The following RBBP6 variants were observed in gnomAD, a reference collection of about 807,000 sequenced individuals.
RBBP6 encodes the protein E3 ubiquitin-protein ligase RBBP6.
In RBBP6, 25 loss-of-function variants were observed where a neutral mutation model predicts 167.7. That is an observed-to-expected ratio of 0.15 (90% confidence interval 0.11 to 0.21). The LOEUF (loss-of-function observed/expected upper bound fraction) is 0.21. Among genes scored for constraint, RBBP6 ranks in the 10% least tolerant of loss-of-function variants. RBBP6 has a pLI of 1.00. For synonymous variants in RBBP6, 789 were observed against 735.8 expected (o/e 1.07, Z -1.17); for missense variants, 1,868 against 2,134.2 (o/e 0.88, Z 2.46).
intron 3 of RBBP6, among the ~76,000 whole-genome samples, chr16:24,550,312 T>C (rs1898765463): frequency 6.6e-6 from 1 of 151,512 alleles, no homozygotes; most frequent in Admixed American, 6.6e-5. Context: ...TCAAAAGTCT[T>C]AGTGTTTGGG....
At position 24,571,785 on chromosome 16, in the gene RBBP6, A is replaced by T. The variant is rs760152849; in HGVS notation, c.4719A>T (p.Val1573=). 6.2e-7 allele frequency: 1 copy of T among 1,613,904 alleles called. No individual in the cohort carries two copies. Among genetic ancestry groups the T allele is most frequent in the Non-Finnish European group, 8.5e-7 (1 of 1,179,896 alleles). The change falls in exon 18 of 18, where the codon GTA becomes GTT. Residue 1573 remains valine, a synonymous_variant. Coordinates refer to ENST00000319715, the MANE Select transcript of RBBP6 (RefSeq NM_006910.5). Reference sequence around the variant, plus strand: ...CTTGTAAGGATCGTGAGAAGCATGTATTAGAAGCAAGGAACAATAAAGAGT... The same window carrying T: ...CTTGTAAGGATCGTGAGAAGCATGTTTTAGAAGCAAGGAACAATAAAGAGT... ...KNPCKDREKH[V]LEARNNKESS... is the part of the protein sequence containing the mutation.
At chr16:24,556,517 G>C (rs1898915240) in intron 7 of RBBP6, 70 bp downstream of exon 7, 1 of 1,443,368 alleles carries the variant, frequency 6.9e-7, no homozygotes, top group Non-Finnish European at 9.2e-7. Context: ...TTTAATCTTG[G>C]GCTTGTAACT....
chr16:24,564,679 G>T, intron 13 of RBBP6, 118 bp from the exon 14 acceptor site: 1 of 1,292,118 alleles, frequency 7.7e-7, no homozygotes, highest in Non-Finnish European at 1.0e-6. Context: ...TAAGAACTGG[G>T]GAGTAGGAAA....
rs1351578243 is a variant in RBBP6, at chr16:24,555,935, A to G, written c.534+18A>G. On this transcript the variant is annotated intron_variant, in intron 6 of 17. Coordinates refer to ENST00000319715, the MANE Select transcript of RBBP6 (RefSeq NM_006910.5). The stretch of plus-strand genomic sequence containing the variant: ...CAAATGGGGTAAGTTCAAAGCAGAA[A>G]CTATGGTATATCTTACTTTTTTTCC... The G allele has an allele frequency of 3.9e-6, 6 of 1,530,262 alleles. No individual in the cohort carries two copies. The highest frequency in any genetic ancestry group is 2.2e-5 in the South Asian group (2 of 89,128). The allele number at this position is 1,530,262 out of a possible 1,614,324, so 94.8% of individuals were successfully genotyped here. A position where few individuals can be genotyped will look rare whatever the true frequency, so the allele number is the denominator to read the frequency against.
At chr16:24,564,930 A>AT in intron 14 of RBBP6, 65 bp downstream of exon 14, 1 of 1,542,428 alleles carries the variant, frequency 6.5e-7, no homozygotes, top group South Asian at 1.2e-5. Flanking sequence ...TCACCAAAGA[A>AT]ATTAAAGCAC....
At chr16:24,563,062 CT>C (rs1483770258) in intron 10 of RBBP6, 136 bp from the exon 11 acceptor site, 1 of 610,908 alleles carries the variant, frequency 1.6e-6, no homozygotes, top group African/African-American at 1.9e-5. Context: ...CCTTCTCTCA[CT>C]TTCCTCAGAA....
rs1898727971 is a variant in RBBP6 at position 24,548,796 on chromosome 16, TATTC to T, written c.267-143_267-140del. 16 of 656,626 alleles carry T rather than the reference TATTC, an allele frequency of 2.4e-5. No homozygotes were observed. The South Asian group carries it at 2.9e-4, about 12-fold the overall frequency. The allele number at this position is 656,626 out of a possible 1,614,324, so 40.7% of individuals were successfully genotyped here. ...GTGGTAAAGATTAATCAGAGTAATT[TATTC>T]ATTCAGAAATTGGCTGTTAAATATT... On this transcript the variant is annotated intron_variant, in intron 2 of 17. Transcript: ENST00000319715.
rs562290340 is a variant in RBBP6, at chr16:24,540,799, G to A, written c.166+7G>A. 8.7e-6 allele frequency: 14 copies of A among 1,610,130 alleles called. No homozygotes were observed. In the South Asian group the frequency reaches 1.5e-4, roughly 18 times the overall value. On this transcript the variant is annotated splice_region_variant and intron_variant, in intron 1 of 17. Coordinates refer to ENST00000319715, the MANE Select transcript of RBBP6 (RefSeq NM_006910.5). ...AATGCGCAGACGAAAGAAGGTAAGG[G>A]CCGCTTGGTCTTAAGATATTTGGTG...
chr16:24,567,082 G>C, intron 14 of RBBP6, 61 bp from the exon 15 acceptor site: 1 of 1,507,260 alleles, frequency 6.6e-7, no homozygotes, highest in Non-Finnish European at 9.0e-7. Context: ...GAAGAGATAA[G>C]CTTACTTGTC....
At chr16:24,549,617 T>C (rs1381157609) in intron 3 of RBBP6, among the ~76,000 whole-genome samples, 3 of 152,034 alleles carry the variant, frequency 2.0e-5, no homozygotes, top group Admixed American at 6.5e-5. Context: ...TTGAGCTCCT[T>C]CTTTTGTTTA....
At chr16:24,559,184 G>C (rs575136916) in intron 7 of RBBP6, among the ~76,000 whole-genome samples, 4 of 151,994 alleles carry the variant, frequency 2.6e-5, no homozygotes, top group Non-Finnish European at 4.4e-5. Context: ...TCTTGTCTTT[G>C]TCACTTAAAT....
At chr16:24,551,785 G>A (rs573604106) in intron 3 of RBBP6, among the ~76,000 whole-genome samples, 81 of 151,620 alleles carry the variant, frequency 5.3e-4, no homozygotes, top group African/African-American at 1.9e-3. Flanking sequence ...AGATAGTAAT[G>A]GGCTATTTTT....
chr16:24,556,443 G>C lies in RBBP6; in HGVS notation c.670G>C (p.Asp224His). ...TGGAAAATATGCAATACCAACTATA[G>C]ATGCGTAAGTATGCAAATTAGGTAT... ...NTGKYAIPTIDAEAYAIGKKE... is the reference protein window; with the variant it reads ...NTGKYAIPTIHAEAYAIGKKE... Residue 224 changes from aspartate to histidine, a missense_variant, in exon 7 of 18, where the codon GAT (aspartate) becomes CAT (histidine). Physicochemically the swap from Asp to His is moderately conservative, Grantham distance 81 (BLOSUM62 -1). Around this residue, in one of 7 missense-constraint regions of RBBP6, gnomAD observed 184 missense variants for 327.7 expected, o/e 0.56. Transcript: ENST00000319715. The C allele has an allele frequency of 6.2e-7, 1 of 1,612,128 alleles. No individual in the cohort carries two copies.
Position 24,571,684 on chromosome 16 carries a change from A to G in RBBP6, c.4618A>G (p.Arg1540Gly). 6.2e-7 allele frequency: 1 copy of G among 1,614,172 alleles called. No homozygotes were observed. ...AAGTAATTCTAGTCCCTCAAGAGAC[A>G]GAAAACCTCATGATCACAAAGCCAC... ...KKSNSSPSRD[R>G]KPHDHKATYD... The change falls in exon 18 of 18, where the codon AGA becomes GGA. Residue 1540 changes from arginine to glycine, a missense_variant. Arg to Gly is a moderately radical substitution (Grantham distance 125). Transcript: ENST00000319715.
chr16:24,572,417 A>G lies in RBBP6; in HGVS notation c.5351A>G (p.Asp1784Gly), dbSNP rs1899365314. Residue 1784 changes from aspartate to glycine, a missense_variant, in exon 18 of 18, where the codon GAC becomes GGC. Coordinates refer to ENST00000319715, the MANE Select transcript of RBBP6 (RefSeq NM_006910.5). The part of the protein sequence containing the change: ...KDKEKEKEKD[D>G]QKVKSVTV ...AAAGAGAAGGAGAAGGAGAAAGATG[A>G]CCAAAAAGTGAAATCTGTCACTGTG... is the stretch of plus-strand genomic sequence containing the variant. 6.5e-7 allele frequency: 1 copy of G among 1,529,380 alleles called. No individual in the cohort carries two copies. The highest frequency in any genetic ancestry group is 8.8e-7 in the Non-Finnish European group (1 of 1,141,306). The allele number at this position is 1,529,380 out of a possible 1,614,324, so 94.7% of individuals were successfully genotyped here.
At chr16:24,540,838 A>G (rs901324158) in intron 1 of RBBP6, 46 bp downstream of exon 1, 3 of 1,583,750 alleles carry the variant, frequency 1.9e-6, no homozygotes, top group East Asian at 4.5e-5. Context: ...GGAGAGAGAT[A>G]CTAGCTAGAA....
chr16:24,550,411 G>C (rs890506271), intron 3 of RBBP6, among the ~76,000 whole-genome samples: 19 of 146,730 alleles, frequency 1.3e-4, no homozygotes, highest in Non-Finnish European at 2.7e-4. Flanking sequence ...AACTGTCCAA[G>C]CTTATGTTTT....
At chr16:24,563,976 A>G (rs1899134989) in intron 13 of RBBP6, among the ~76,000 whole-genome samples, 1 of 152,150 alleles carries the variant, frequency 6.6e-6, no homozygotes, top group Non-Finnish European at 1.5e-5. Context: ...AATTACTTGA[A>G]AAGTTATTTT....
chr16:24,562,183 T>C (rs374565706), intron 10 of RBBP6, 22 bp downstream of exon 10: 175 of 1,557,424 alleles, frequency 1.1e-4, no homozygotes, highest in Non-Finnish European at 1.3e-4. Flanking sequence ...TGTTTTTCAC[T>C]GTTAGAAACC....
Sources: allele counts gnomAD v4.1 joint callset (sites outside exome capture counted in the v4.1 genomes callset), GRCh38; gene constraint gnomAD v4.1.1; regional missense constraint gnomAD v4.1.1; transcripts MANE v1.5; gene names NCBI Gene and HGNC (gene_info 2026-07-23, HGNC 2026-07-21).